LIPA: variants seen among roughly 807,000 people sequenced by gnomAD.
The protein encoded by LIPA is lipase A, lysosomal acid type, also known as lysosomal acid lipase/cholesteryl ester hydrolase.
Under a neutral mutation model 40.6 loss-of-function variants are expected in LIPA, and 26 were observed. The ratio of observed to expected loss-of-function variants is 0.64; its 90% CI spans 0.47 to 0.89. LIPA has a LOEUF of 0.89. Ranked by LOEUF, LIPA falls within the 40% of genes least tolerant of loss-of-function variation. LIPA has a pLI of 0.00. For synonymous variants in LIPA, 188 were observed against 168.4 expected, an observed-to-expected ratio of 1.12 and a Z score of -0.90; for missense variants, 455 against 479.6, an observed-to-expected ratio of 0.95 and a Z score of 0.48.
intron 1 of LIPA, among the ~76,000 whole-genome samples, chr10:89,289,905 T>C (rs1589590203): frequency 6.6e-6 from 1 of 152,072 alleles, no homozygotes; most frequent in East Asian, 1.9e-4. Flanking sequence ...TCCTAGCCAT[T>C]TCTAATCCTT....
At chr10:89,249,518 G>A (rs1386931043) in intron 1 of LIPA, among the ~76,000 whole-genome samples, 1 of 152,186 alleles carries the variant, frequency 6.6e-6, no homozygotes, top group Non-Finnish European at 1.5e-5. Context: ...GCTTTAAATG[G>A]ATGATTGGAT....
chr10:89,348,597 A>G (rs566688177), intron 2 of LIPA, among the ~76,000 whole-genome samples: 1 of 152,338 alleles, frequency 6.6e-6, no homozygotes, highest in Admixed American at 6.5e-5. Context: ...GCGGGTTGCC[A>G]TGCAAGGAGA....
upstream of LIPA, among the ~76,000 whole-genome samples, chr10:89,343,901 C>G (rs1034574271): frequency 1.3e-5 from 2 of 149,828 alleles, no homozygotes; most frequent in Admixed American, 1.3e-4. Flanking sequence ...ATATTAATTT[C>G]TAGCTTAATT....
chr10:89,359,830 CACACACACACACAA>C (rs1173656208), intron 2 of LIPA, among the ~76,000 whole-genome samples: 3 of 151,436 alleles, frequency 2.0e-5, no homozygotes, highest in African/African-American at 7.3e-5. Flanking sequence ...CACACACACA[CACACACACACACAA>C]ACACACACAC....
chr10:89,287,817 C>T (rs1806064067), intron 1 of LIPA, among the ~76,000 whole-genome samples: 1 of 152,196 alleles, frequency 6.6e-6, no homozygotes, highest in East Asian at 1.9e-4. Flanking sequence ...ACAGGTCTTA[C>T]AGGTTAGTTC....
intron 3 of LIPA, among the ~76,000 whole-genome samples, chr10:89,241,422 C>T (rs564991291): frequency 6.6e-6 from 1 of 152,298 alleles, no homozygotes; most frequent in Non-Finnish European, 1.5e-5. Flanking sequence ...AATTACATCC[C>T]AGATTACCAA....
intron 1 of LIPA, among the ~76,000 whole-genome samples, chr10:89,318,527 T>A (rs941597841): frequency 6.6e-6 from 1 of 152,162 alleles, no homozygotes; most frequent in South Asian, 2.1e-4. Flanking sequence ...CCTAAATATA[T>A]ATGCACCCAA....
chr10:89,238,224 G>T (rs1842928203), intron 3 of LIPA, among the ~76,000 whole-genome samples: 1 of 152,214 alleles, frequency 6.6e-6, no homozygotes, highest in South Asian at 2.1e-4. Flanking sequence ...CTTAAATAAA[G>T]TCAAGAGCTA....
At chr10:89,249,561 A>G (rs1208374265) in intron 1 of LIPA, among the ~76,000 whole-genome samples, 1 of 152,220 alleles carries the variant, frequency 6.6e-6, no homozygotes, top group African/African-American at 2.4e-5. Flanking sequence ...CTCAGCTATA[A>G]AAGGGAAGGA....
upstream of LIPA, among the ~76,000 whole-genome samples, chr10:89,347,394 G>C (rs1843929970): frequency 6.6e-6 from 1 of 152,166 alleles, no homozygotes; most frequent in African/African-American, 2.4e-5. Context: ...TCCATCATTT[G>C]CATAAACAGT....
At chr10:89,383,747 A>G in intron 2 of LIPA, 1 of 1,614,128 alleles carries the variant, frequency 6.2e-7, no homozygotes, top group Non-Finnish European at 8.5e-7. Context: ...GACTGTGAGG[A>G]AGGATGGGCC....
chr10:89,250,993 G>A (rs1417011206), intron 1 of LIPA, among the ~76,000 whole-genome samples: 2 of 152,188 alleles, frequency 1.3e-5, no homozygotes, highest in African/African-American at 2.4e-5. Flanking sequence ...GTATATATTA[G>A]ATGCATAGTA....
At chr10:89,307,414 G>T in intron 1 of LIPA, 1 of 1,499,820 alleles carries the variant, frequency 6.7e-7, no homozygotes, top group Non-Finnish European at 9.0e-7. Context: ...ACTGCTGAAA[G>T]GGAGCTGAAA....
intron 1 of LIPA, among the ~76,000 whole-genome samples, chr10:89,259,706 A>C (rs1843197369): frequency 6.6e-6 from 1 of 152,184 alleles, no homozygotes; most frequent in South Asian, 2.1e-4. Context: ...TCTGCAATAA[A>C]AGAATAATGA....
At chr10:89,302,152 G>A (rs781513075) in intron 1 of LIPA, 5 of 1,613,362 alleles carry the variant, frequency 3.1e-6, no homozygotes, top group East Asian at 4.5e-5. Context: ...CTTCGTATTC[G>A]GTAGTGCTGT....
intron 1 of LIPA, 190 bp from the exon 2 acceptor site, chr10:89,247,839 A>T (rs2902562): frequency 4.3e-6 from 1 of 232,276 alleles, no homozygotes; most frequent in Non-Finnish European, 7.3e-6. Context: ...TTATTTATTT[A>T]TTTTTATTTT....
At chr10:89,317,766 C>T (rs1843549020) in intron 1 of LIPA, among the ~76,000 whole-genome samples, 1 of 152,098 alleles carries the variant, frequency 6.6e-6, no homozygotes, top group Non-Finnish European at 1.5e-5. Flanking sequence ...ACATAATTAG[C>T]AGATTCACCA....
chr10:89,243,773 T>C (rs940833140), intron 3 of LIPA, among the ~76,000 whole-genome samples: 2 of 152,188 alleles, frequency 1.3e-5, no homozygotes, highest in Non-Finnish European at 2.9e-5. Context: ...AGGTAGGGCA[T>C]GTGACTCTGA....
intron 1 of LIPA, among the ~76,000 whole-genome samples, chr10:89,249,750 A>G (rs971851555): frequency 3.9e-5 from 6 of 152,214 alleles, no homozygotes; most frequent in African/African-American, 1.4e-4. Flanking sequence ...GTAAGAAAGG[A>G]TCACAAAGGG....
Sources: allele counts gnomAD v4.1 joint callset (sites outside exome capture counted in the v4.1 genomes callset), GRCh38; gene constraint gnomAD v4.1.1; transcripts MANE v1.5; gene names NCBI Gene and HGNC (gene_info 2026-07-23, HGNC 2026-07-21).